The following DNAAF11 variants were observed in gnomAD, a reference collection of about 807,000 sequenced individuals.
DNAAF11 encodes dynein axonemal assembly factor 11.
A neutral mutation model predicts 60.8 loss-of-function variants in DNAAF11; 45 were observed. The ratio of observed to expected loss-of-function variants is 0.74; its 90% CI spans 0.58 to 0.95. The LOEUF is 0.95. Among genes scored for constraint, DNAAF11 ranks in the 40% least tolerant of loss-of-function variants. DNAAF11 has a pLI of 0.00. For missense variants in DNAAF11, 546 were observed against 546.2 expected (o/e 1.00, Z 0.00); for synonymous variants, 191 against 183.5 (o/e 1.04, Z -0.33).
At chr8:132,674,926 T>C (rs888939882) in intron 1 of DNAAF11, among the ~76,000 whole-genome samples, 5 of 152,180 alleles carry the variant, frequency 3.3e-5, no homozygotes, top group African/African-American at 1.2e-4. Context: ...ACACTTACTG[T>C]GTCTAAAACA....
At chr8:132,585,941 G>A (rs933568481) in intron 10 of DNAAF11, among the ~76,000 whole-genome samples, 2 of 152,120 alleles carry the variant, frequency 1.3e-5, no homozygotes, top group African/African-American at 4.8e-5. Context: ...GAATGAGTGG[G>A]ATGAATCTAA....
chr8:132,651,088 G>C (rs899160291), intron 3 of DNAAF11, among the ~76,000 whole-genome samples: 3 of 152,102 alleles, frequency 2.0e-5, no homozygotes, highest in African/African-American at 7.2e-5. Context: ...TCTATCTCCT[G>C]TTCTGTGGAG....
chr8:132,595,348 G>GAAAAAAAAAAAAAAAAAAAAAAAAA (rs71306394), intron 10 of DNAAF11, among the ~76,000 whole-genome samples: 1 of 57,412 alleles, frequency 1.7e-5, no homozygotes, highest in African/African-American at 1.1e-4. Flanking sequence ...AGACAGAGGG[G>GAAAAAAAAAAAAAAAAAAAAAAAAA]AAAAAAAAAA....
At chr8:132,691,573 G>A in the DNAAF11 span, among the ~76,000 whole-genome samples, 1 of 152,210 alleles carries the variant, frequency 6.6e-6, no homozygotes, top group African/African-American at 2.4e-5. Context: ...TCACAGTTCT[G>A]CATGGCTGGG....
chr8:132,643,540 G>C (rs1297113881), intron 3 of DNAAF11: 4 of 424,744 alleles, frequency 9.4e-6, no homozygotes, highest in Non-Finnish European at 1.9e-5. Context: ...CCCCGTAAAT[G>C]GGTCCGTATG....
chr8:132,614,039 G>A (rs189050696), intron 8 of DNAAF11, among the ~76,000 whole-genome samples: 29 of 152,294 alleles, frequency 1.9e-4, no homozygotes, highest in Admixed American at 4.6e-4. Context: ...TTTAGGTGTG[G>A]AGATGTAGAG....
chr8:132,648,491 T>G (rs1822636726), intron 3 of DNAAF11, among the ~76,000 whole-genome samples: 1 of 152,146 alleles, frequency 6.6e-6, no homozygotes, highest in South Asian at 2.1e-4. Context: ...TTCAATATAG[T>G]GTTAGAAGTT....
rs761300210 is a variant in DNAAF11, at chr8:132,626,831, C to A, written c.654-1377G>T. Among the ~76,000 whole-genome samples, 11 of 152,236 alleles carry A rather than the reference C, an allele frequency of 7.2e-5. No homozygotes were observed. In the South Asian group the frequency reaches 8.3e-4, roughly 11 times the overall value. On this transcript the variant is annotated intron_variant, in intron 5 of 11. Coordinates refer to ENST00000620350, the MANE Select transcript of DNAAF11 (RefSeq NM_012472.6). ...TGGGTTTTGTTAATGAATGAGGTGA[C>A]AAGAAAGGCTTCTTTAGCTGATCTT...
At chr8:132,596,532 T>C (rs1817032035) in intron 10 of DNAAF11, among the ~76,000 whole-genome samples, 1 of 152,348 alleles carries the variant, frequency 6.6e-6, no homozygotes, top group African/African-American at 2.4e-5. Flanking sequence ...ACAATCTTGC[T>C]AGAGACAGTC....
intron 4 of DNAAF11, among the ~76,000 whole-genome samples, 171 bp from the exon 5 acceptor site, chr8:132,633,134 T>A (rs7834760): frequency 1.3e-5 from 2 of 152,176 alleles, no homozygotes; most frequent in African/African-American, 4.8e-5. Context: ...ATATTTCATA[T>A]AATTTACACA....
chr8:132,653,094 C>T (rs1175631891), intron 3 of DNAAF11, among the ~76,000 whole-genome samples: 1 of 151,892 alleles, frequency 6.6e-6, no homozygotes, highest in African/African-American at 2.4e-5. Context: ...ATAAAAGATG[C>T]AGGTCAAAAG....
At chr8:132,649,871 G>C (rs1407286066) in intron 3 of DNAAF11, among the ~76,000 whole-genome samples, 2 of 152,178 alleles carry the variant, frequency 1.3e-5, no homozygotes, top group African/African-American at 2.4e-5. Context: ...AGAAACAACA[G>C]GTGCTGGAGA....
chr8:132,684,573 T>C, the DNAAF11 span, among the ~76,000 whole-genome samples: 6 of 152,188 alleles, frequency 3.9e-5, no homozygotes, highest in Non-Finnish European at 7.4e-5. Flanking sequence ...AACCTAAGAC[T>C]ACATGAGTCT....
At chr8:132,641,994 T>C (rs192998033) in intron 3 of DNAAF11, among the ~76,000 whole-genome samples, 1 of 151,964 alleles carries the variant, frequency 6.6e-6, no homozygotes, top group Non-Finnish European at 1.5e-5. Context: ...ACAGAAAAAA[T>C]AAATATAGCA....
At chr8:132,681,225 G>A in the DNAAF11 span, among the ~76,000 whole-genome samples, 5 of 150,670 alleles carry the variant, frequency 3.3e-5, no homozygotes, top group South Asian at 8.4e-4. Flanking sequence ...GGTTAGGCTG[G>A]TCTTGAACTC....
At chr8:132,584,309 G>A (rs34291008) in intron 10 of DNAAF11, among the ~76,000 whole-genome samples, 24,014 of 152,110 alleles carry the variant, frequency 0.16, 2,943 homozygotes, top group African/African-American at 0.34. Context: ...AGTAAGCTCA[G>A]TGCTAAGCAT....
chr8:132,633,096 A>G (rs1820968197), intron 4 of DNAAF11, 133 bp from the exon 5 acceptor site: 1 of 594,600 alleles, frequency 1.7e-6, no homozygotes, highest in Non-Finnish European at 2.9e-6. Flanking sequence ...TTAATGGGAA[A>G]TATCAGAACA....
intron 3 of DNAAF11, 74 bp downstream of exon 3, chr8:132,656,756 G>C (rs895711242): frequency 1.5e-6 from 1 of 665,436 alleles, no homozygotes; most frequent in African/African-American, 1.9e-5. Context: ...ACAGGCGTGA[G>C]CCACTGCACC....
chr8:132,600,661 C>T (rs1817514798), intron 10 of DNAAF11, among the ~76,000 whole-genome samples: 1 of 152,070 alleles, frequency 6.6e-6, no homozygotes, highest in African/African-American at 2.4e-5. Flanking sequence ...CTGACAAAAA[C>T]AAGAAATGGG....
Sources: allele counts gnomAD v4.1 joint callset (sites outside exome capture counted in the v4.1 genomes callset), GRCh38; gene constraint gnomAD v4.1.1; transcripts MANE v1.5; gene names NCBI Gene and HGNC (gene_info 2026-07-23, HGNC 2026-07-21).